Variants in TMBIM1 observed in about 807,000 individuals in gnomAD.
TMBIM1 encodes the protein transmembrane BAX inhibitor motif containing 1.
TMBIM1 carries 34 observed loss-of-function variants against 45.1 expected under a neutral mutation model. The ratio of observed to expected loss-of-function variants is 0.75; its 90% CI spans 0.57 to 1.00. The LOEUF is 1.00. Among genes scored for constraint, TMBIM1 ranks in the 50% least tolerant of loss-of-function variants. The pLI is 0.00. For synonymous variants in TMBIM1, 157 were observed against 153.5 expected (o/e 1.02, Z -0.17); for missense variants, 374 against 402.4 (o/e 0.93, Z 0.60).
intron 1 of TMBIM1, among the ~76,000 whole-genome samples, chr2:218,290,607 C>T (rs1692870483): frequency 6.6e-6 from 1 of 152,222 alleles, no homozygotes; most frequent in African/African-American, 2.4e-5. Context: ...ACATATCCAG[C>T]TACCACAGAA....
chr2:218,276,179 A>G (rs767115280), intron 10 of TMBIM1, 100 bp from the exon 11 acceptor site: 29 of 1,294,666 alleles, frequency 2.2e-5, no homozygotes, highest in Non-Finnish European at 3.1e-5. Context: ...GAGTGGGTAG[A>G]GCTGGGAAGC....
chr2:218,279,208 GCCCACCGCCA>G, intron 4 of TMBIM1, 71 bp downstream of exon 4: 1 of 1,563,304 alleles, frequency 6.4e-7, no homozygotes, highest in East Asian at 2.3e-5. Context: ...TGAGAGCAGG[GCCCACCGCCA>G]CCCACACCCC....
intron 11 of TMBIM1, 80 bp from the exon 12 acceptor site, chr2:218,275,701 G>A: frequency 6.5e-7 from 1 of 1,535,466 alleles, no homozygotes; most frequent in Non-Finnish European, 8.8e-7. Flanking sequence ...ATTTGTCTTG[G>A]GGGCCTATGC....
intron 10 of TMBIM1, 32 bp from the exon 11 acceptor site, chr2:218,276,111 G>C: frequency 1.9e-6 from 3 of 1,608,108 alleles, no homozygotes; most frequent in Non-Finnish European, 1.7e-6. Flanking sequence ...AATGGCATTA[G>C]AAACCTCAGC....
At chr2:218,281,426 C>T (rs1237114552) in intron 2 of TMBIM1, among the ~76,000 whole-genome samples, 2 of 152,208 alleles carry the variant, frequency 1.3e-5, no homozygotes, top group African/African-American at 4.8e-5. Flanking sequence ...CGTGAGCCAC[C>T]GCGGCCGGCC....
At chr2:218,278,401 C>A in intron 6 of TMBIM1, 114 bp downstream of exon 6, 1 of 1,116,826 alleles carries the variant, frequency 9.0e-7, no homozygotes, top group South Asian at 1.3e-5. Flanking sequence ...TCCTCCTCCT[C>A]ATTTCTTGTA....
In TMBIM1 at chr2:218,277,480, A is replaced by C. The variant is rs1190042746; in HGVS notation, c.552-27T>G. On this transcript the variant is annotated intron_variant, in intron 8 of 11. Coordinates refer to ENST00000258412, the MANE Select transcript of TMBIM1 (RefSeq NM_022152.6). Reference sequence around the variant, plus strand: ...TGGGGAGAAGCAGGAGTTACAGACAAGAGGCATTAAGCCACGTATGAATGA... The same window carrying C: ...TGGGGAGAAGCAGGAGTTACAGACACGAGGCATTAAGCCACGTATGAATGA... 1.9e-6 allele frequency: 3 copies of C among 1,612,596 alleles called. No individual in the cohort carries two copies. The African/African-American group carries it at 4.0e-5, about 22-fold the overall frequency.
In TMBIM1 at chr2:218,279,079, G is replaced by A. The variant is rs199841686; in HGVS notation, c.381C>T (p.Ser127=). The A allele has an allele frequency of 1.4e-5, 23 of 1,614,010 alleles. No homozygotes were observed. Among genetic ancestry groups the A allele is most frequent in the Middle Eastern group, 1.6e-4 (1 of 6,082 alleles). Residue 127 remains serine (S), a synonymous_variant, in exon 5 of 12, where the codon AGC becomes AGT. Coordinates refer to ENST00000258412, the MANE Select transcript of TMBIM1 (RefSeq NM_022152.6). Reference sequence around the variant, plus strand: ...CAGCCACATTTCTCCTCACAAAGGCGCTGACAGGTTCCCTGTGGGGCACAG... The same window carrying A: ...CAGCCACATTTCTCCTCACAAAGGCACTGACAGGTTCCCTGTGGGGCACAG... The part of the protein sequence containing the change: ...IAIFTFVEPV[S]AFVRRNVAVY...
chr2:218,291,359 TA>T (rs1692914658), intron 1 of TMBIM1, among the ~76,000 whole-genome samples: 1 of 152,058 alleles, frequency 6.6e-6, no homozygotes, highest in African/African-American at 2.4e-5. Flanking sequence ...TTTGCGCCAA[TA>T]AAGCAGCCCC....
intron 1 of TMBIM1, among the ~76,000 whole-genome samples, chr2:218,291,870 A>G (rs992510990): frequency 1.3e-5 from 2 of 152,232 alleles, no homozygotes; most frequent in African/African-American, 4.8e-5. Context: ...TCATGGTGAT[A>G]GAGGTGGCCA....
chr2:218,278,229 T>C lies in TMBIM1; in HGVS notation c.474-255A>G. On this transcript the variant is annotated intron_variant, in intron 6 of 11. Transcript: ENST00000258412. ...ACTCTTAAACTGACTGCCTGTGTGATGGGGAGAAAGTTACTCAGCCTCTTT... is the reference window on the plus strand; with the variant it reads ...ACTCTTAAACTGACTGCCTGTGTGACGGGGAGAAAGTTACTCAGCCTCTTT... The C allele has an allele frequency of 5.0e-6, 3 of 604,924 alleles. No individual in the cohort carries two copies. In the South Asian group the frequency reaches 6.1e-5, roughly 12 times the overall value. 37.5% of individuals were successfully genotyped at this position (604,924 alleles called of 1,614,324 possible).
chr2:218,274,202 A>G lies in TMBIM1; in HGVS notation c.*1273T>C, dbSNP rs1307232395. ...ACTCCTGGAGCCATACAGGGTTTTA[A>G]CTTCTAGACATAAACTTTATTACAT... On this transcript the variant is annotated 3_prime_UTR_variant, in exon 12 of 12. Coordinates refer to ENST00000258412, the MANE Select transcript of TMBIM1 (RefSeq NM_022152.6). The G allele has an allele frequency of 6.5e-6, 1 of 154,964 alleles. No homozygotes were observed. The highest frequency in any genetic ancestry group is 1.5e-5 in the Non-Finnish European group (1 of 68,214). 9.6% of individuals were successfully genotyped at this position (154,964 alleles called of 1,614,324 possible).
Position 218,274,512 on chromosome 2 carries a change from G to A in TMBIM1, c.*963C>T, listed in dbSNP as rs1020608918. On this transcript the variant is annotated 3_prime_UTR_variant, in exon 12 of 12. Coordinates refer to ENST00000258412, the MANE Select transcript of TMBIM1 (RefSeq NM_022152.6). ...GTTAGCAGAAGGAAAGAACCCAGAA[G>A]TCTTCAGTACCACAGTAGGCTTCGG... is the stretch of plus-strand genomic sequence containing the variant. 6 of 154,406 alleles carry A rather than the reference G, an allele frequency of 3.9e-5. No homozygotes were observed. Among genetic ancestry groups the A allele is most frequent in the African/African-American group, 1.4e-4 (6 of 41,506 alleles). 9.6% of individuals were successfully genotyped at this position (154,406 alleles called of 1,614,324 possible).
chr2:218,292,300 A>G (rs894513949), intron 1 of TMBIM1, among the ~76,000 whole-genome samples, 166 bp downstream of exon 1: 16 of 152,078 alleles, frequency 1.1e-4, no homozygotes, highest in South Asian at 2.1e-4. Flanking sequence ...GCCAAGGGCC[A>G]GGAGGGGAGA....
At chr2:218,281,913 C>T in intron 2 of TMBIM1, 27 bp downstream of exon 2, 1 of 1,556,010 alleles carries the variant, frequency 6.4e-7, no homozygotes, top group Non-Finnish European at 8.7e-7. Flanking sequence ...CTCCCACCCA[C>T]CTTCCATCTG....
chr2:218,278,595 A>G, intron 5 of TMBIM1, 30 bp from the exon 6 acceptor site: 1 of 1,613,886 alleles, frequency 6.2e-7, no homozygotes, highest in Non-Finnish European at 8.5e-7. Context: ...GAAGCAGTTC[A>G]GGCCCAAATC....
At chr2:218,288,701 C>T (rs1271710651) in intron 1 of TMBIM1, among the ~76,000 whole-genome samples, 1 of 152,148 alleles carries the variant, frequency 6.6e-6, no homozygotes, top group African/African-American at 2.4e-5. Context: ...AATCCAAAAT[C>T]CATGTGCTTC....
intron 6 of TMBIM1, 30 bp from the exon 7 acceptor site, chr2:218,278,004 G>T: frequency 6.2e-7 from 1 of 1,613,576 alleles, no homozygotes; most frequent in South Asian, 1.1e-5. Flanking sequence ...TTGATTAAAT[G>T]ACTTGGGGCC....
Position 218,277,140 on chromosome 2 carries a change from G to A in TMBIM1, c.640-41C>T. Reference sequence around the variant, plus strand: ...AAAGAGGCACCTGTCAGATGGCTGTGACAACCAGCCCAGTCAGACTGGCCC... The same window carrying A: ...AAAGAGGCACCTGTCAGATGGCTGTAACAACCAGCCCAGTCAGACTGGCCC... On this transcript the variant is annotated intron_variant, in intron 9 of 11. Transcript: ENST00000258412. 1.3e-6 allele frequency: 2 copies of A among 1,559,504 alleles called. 1 individual carries two copies.
Sources: allele counts gnomAD v4.1 joint callset (sites outside exome capture counted in the v4.1 genomes callset), GRCh38; gene constraint gnomAD v4.1.1; transcripts MANE v1.5; gene names NCBI Gene and HGNC (gene_info 2026-07-23, HGNC 2026-07-21).